GRIN2A: variants seen among roughly 807,000 people sequenced by gnomAD.
The protein encoded by GRIN2A is glutamate receptor ionotropic, NMDA 2A.
A neutral mutation model predicts 113.4 loss-of-function variants in GRIN2A; 22 were observed. That is an observed-to-expected ratio of 0.19 (90% CI 0.14 to 0.28). GRIN2A has a LOEUF of 0.28. Among genes scored for constraint, GRIN2A ranks in the 10% least tolerant of loss-of-function variants. The probability of loss-of-function intolerance (pLI) is 1.00; values close to 1 mark genes in which losing one functional copy is unlikely to be tolerated. For synonymous variants in GRIN2A, 827 were observed against 738.4 expected, an observed-to-expected ratio of 1.12 and a Z score of -1.94; for missense variants, 1,502 against 1,887.0, an observed-to-expected ratio of 0.80 and a Z score of 3.78.
chr16:9,936,772 G>T (rs902578201), intron 3 of GRIN2A, among the ~76,000 whole-genome samples: 1 of 152,138 alleles, frequency 6.6e-6, no homozygotes, highest in Non-Finnish European at 1.5e-5. Flanking sequence ...AATATAAGAA[G>T]GGAAAAAATC....
At chr16:10,079,564 C>T (rs1164474784) in intron 2 of GRIN2A, among the ~76,000 whole-genome samples, 1 of 152,118 alleles carries the variant, frequency 6.6e-6, no homozygotes, top group South Asian at 2.1e-4. Flanking sequence ...GATATTCATG[C>T]CCTGATAAAA....
At chr16:10,127,232 A>T (rs1305485940) in intron 2 of GRIN2A, among the ~76,000 whole-genome samples, 2 of 152,060 alleles carry the variant, frequency 1.3e-5, no homozygotes, top group African/African-American at 4.8e-5. Flanking sequence ...GTCTTGAAAA[A>T]AAAAAAAATC....
At chr16:10,037,071 C>T (rs1183248403) in intron 2 of GRIN2A, 3 of 152,180 alleles carry the variant, frequency 2.0e-5, no homozygotes, top group Non-Finnish European at 2.9e-5. Flanking sequence ...CCTTGATGAC[C>T]TGTCATCTCA....
intron 7 of GRIN2A, among the ~76,000 whole-genome samples, chr16:9,836,042 A>G (rs1437913513): frequency 1.3e-5 from 2 of 152,344 alleles, no homozygotes; most frequent in South Asian, 2.1e-4. Context: ...TCCCTGAAAT[A>G]ATAGCAATTT....
chr16:9,859,289 C>A (rs141743428), intron 4 of GRIN2A, among the ~76,000 whole-genome samples: 11 of 152,052 alleles, frequency 7.2e-5, no homozygotes, highest in African/African-American at 2.7e-4. Flanking sequence ...AAGTATTTCC[C>A]AAACTTCCTC....
chr16:9,940,042 A>AAGAG (rs565915376), intron 2 of GRIN2A, among the ~76,000 whole-genome samples: 17 of 139,778 alleles, frequency 1.2e-4, no homozygotes, highest in South Asian at 7.3e-4. Flanking sequence ...GAGAGAGAGA[A>AAGAG]AGAGAGAGAG....
chr16:9,933,453 A>G (rs771648062), intron 3 of GRIN2A, among the ~76,000 whole-genome samples: 3 of 152,212 alleles, frequency 2.0e-5, no homozygotes, highest in Non-Finnish European at 4.4e-5. Flanking sequence ...AGATCCCCTC[A>G]GTAACTCACC....
intron 10 of GRIN2A, among the ~76,000 whole-genome samples, chr16:9,802,049 AT>A: frequency 6.6e-6 from 1 of 152,356 alleles, no homozygotes; most frequent in African/African-American, 2.4e-5. Context: ...AAGGGCTATT[AT>A]TAAAAAGTCA....
intron 2 of GRIN2A, among the ~76,000 whole-genome samples, chr16:10,092,844 G>T (rs1430452160): frequency 7.0e-6 from 1 of 142,312 alleles, no homozygotes; most frequent in South Asian, 2.3e-4. Flanking sequence ...TAAGGTAAAA[G>T]GCAGCATGAA....
chr16:9,845,904 G>A (rs1014300462), intron 5 of GRIN2A, among the ~76,000 whole-genome samples: 1 of 152,206 alleles, frequency 6.6e-6, no homozygotes, highest in Non-Finnish European at 1.5e-5. Flanking sequence ...TAAGTTCCAT[G>A]ATGGAAAGGT....
At chr16:10,094,129 A>C (rs1164386612) in intron 2 of GRIN2A, among the ~76,000 whole-genome samples, 1 of 152,212 alleles carries the variant, frequency 6.6e-6, no homozygotes, top group Non-Finnish European at 1.5e-5. Flanking sequence ...GCACTAAGCC[A>C]CGTGTACAGA....
chr16:10,123,363 T>C (rs1270608832), intron 2 of GRIN2A, among the ~76,000 whole-genome samples: 1 of 152,174 alleles, frequency 6.6e-6, no homozygotes, highest in East Asian at 1.9e-4. Context: ...GGATCAACTA[T>C]GCAAGCTCAA....
chr16:9,923,258 A>T (rs765613349), intron 3 of GRIN2A, among the ~76,000 whole-genome samples: 2 of 152,110 alleles, frequency 1.3e-5, no homozygotes, highest in Non-Finnish European at 2.9e-5. Flanking sequence ...TGTCTTATTA[A>T]TACAGCCAGT....
At chr16:9,902,825 T>G (rs2043954832) in intron 3 of GRIN2A, among the ~76,000 whole-genome samples, 1 of 152,050 alleles carries the variant, frequency 6.6e-6, no homozygotes, top group African/African-American at 2.4e-5. Context: ...CCACCCAGAA[T>G]GCCTTTCTGC....
Position 9,807,423 on chromosome 16 carries a change from G to C in GRIN2A, c.2169-8959C>G, listed in dbSNP as rs568559734. On this transcript the variant is annotated intron_variant, in intron 10 of 12. Transcript: ENST00000330684. ...GAGGGAGGGAGAGAAAGGAGAGACAGAGAGAAAGAGAGACAGAGACAGAGA... is the reference window on the plus strand; with the variant it reads ...GAGGGAGGGAGAGAAAGGAGAGACACAGAGAAAGAGAGACAGAGACAGAGA... Among the ~76,000 whole-genome samples, 374 of 129,342 alleles carry C rather than the reference G, an allele frequency of 2.9e-3. 3 individuals carry two copies. Among genetic ancestry groups the C allele is most frequent in the Non-Finnish European group, 4.7e-3 (278 of 59,280 alleles). The allele number at this position is 129,342 out of a possible 152,430, so 84.9% of individuals were successfully genotyped here. A position where few individuals can be genotyped will look rare whatever the true frequency, so the allele number is the denominator to read the frequency against.
At chr16:10,083,606 T>C (rs2048026702) in intron 2 of GRIN2A, among the ~76,000 whole-genome samples, 1 of 152,242 alleles carries the variant, frequency 6.6e-6, no homozygotes, top group Non-Finnish European at 1.5e-5. Context: ...AACACGCTCA[T>C]AGAGCTGCTT....
chr16:9,869,617 TG>T (rs1293528522), intron 4 of GRIN2A, among the ~76,000 whole-genome samples: 7 of 152,186 alleles, frequency 4.6e-5, no homozygotes, highest in Non-Finnish European at 1.0e-4. Flanking sequence ...ACCAGCTATA[TG>T]AACTTGACTA....
At chr16:9,812,186 A>G (rs1227362459) in intron 10 of GRIN2A, among the ~76,000 whole-genome samples, 1 of 152,192 alleles carries the variant, frequency 6.6e-6, no homozygotes, top group Non-Finnish European at 1.5e-5. Flanking sequence ...ACGCTGCTTA[A>G]TCTCTCAATG....
Position 9,953,367 on chromosome 16 carries a change from C to A in GRIN2A, c.415-14816G>T, listed in dbSNP as rs1333792345. Among the ~76,000 whole-genome samples the A allele has an allele frequency of 4.6e-5, 7 of 152,188 alleles. No homozygotes were observed. In the East Asian group the frequency reaches 1.4e-3, roughly 29 times the overall value. On this transcript the variant is annotated intron_variant, in intron 2 of 12. Transcript: ENST00000330684. The stretch of plus-strand genomic sequence containing the variant: ...CTCCAGCACCTAGCCTTGTACCTGA[C>A]ATACAGTAGCCACTCTGTAAATGTT...
Sources: gnomAD v4.1 joint callset for allele counts (sites outside exome capture counted in the v4.1 genomes callset) on GRCh38, gnomAD v4.1.1 for gene constraint, MANE v1.5 for transcripts, NCBI Gene and HGNC (gene_info 2026-07-23, HGNC 2026-07-21) for gene names.